WDR64: variants seen among roughly 807,000 people sequenced by gnomAD.
The protein encoded by WDR64 is WD repeat-containing protein 64.
WDR64 carries 112 observed loss-of-function variants against 139.3 expected under a neutral mutation model. The observed-to-expected ratio is 0.80, with a 90% CI of 0.69 to 0.94. The LOEUF is 0.94. Among genes scored for constraint, WDR64 ranks in the 40% least tolerant of loss-of-function variants. WDR64 has a pLI of 0.00. For missense variants in WDR64, 1,206 were observed against 1,293.1 expected (o/e 0.93, Z 1.03); for synonymous variants, 444 against 437.7 (o/e 1.01, Z -0.18).
At chr1:241,665,348 G>T (rs1325075005) in intron 2 of WDR64, among the ~76,000 whole-genome samples, 1 of 152,178 alleles carries the variant, frequency 6.6e-6, no homozygotes, top group Non-Finnish European at 1.5e-5. Flanking sequence ...TCCATCATCT[G>T]TAAAATGGAA....
chr1:241,714,331 A>T (rs72768087), intron 9 of WDR64, among the ~76,000 whole-genome samples: 25,925 of 152,262 alleles, frequency 0.17, 2,426 homozygotes, highest in African/African-American at 0.2. Flanking sequence ...CAAGAAAAAA[A>T]TCAATAAATA....
rs76953744 is a variant in WDR64, at chr1:241,774,344, C to A, written c.2431-761C>A. 6.9e-3 allele frequency among the ~76,000 whole-genome samples: 1,051 copies of A among 152,250 alleles called. 7 individuals carry two copies. Among genetic ancestry groups the A allele is most frequent in the African/African-American group, 0.025 (1,024 of 41,542 alleles). On this transcript the variant is annotated intron_variant, in intron 20 of 27. Coordinates refer to ENST00000437684, the MANE Select transcript of WDR64 (RefSeq NM_001367482.1). ...TACAAAGTATTCTAATAATAACTTT[C>A]CTTGAGATAATCTTGGTATTAGAAC...
chr1:241,686,547 G>C (rs1187916292), intron 7 of WDR64, among the ~76,000 whole-genome samples: 1 of 152,120 alleles, frequency 6.6e-6, no homozygotes, highest in Non-Finnish European at 1.5e-5. Context: ...GGATGCAGTA[G>C]GTGTTCAATA....
chr1:241,769,480 C>T lies in WDR64; in HGVS notation c.2158C>T (p.Leu720Phe), dbSNP rs745577783. 21 of 1,551,436 alleles carry T rather than the reference C, an allele frequency of 1.4e-5. No individual in the cohort carries two copies. The highest frequency in any genetic ancestry group is 1.2e-4 in the South Asian group (10 of 84,060). Residue 720 changes from leucine (L) to phenylalanine (F), a missense_variant, in exon 17 of 28, where the codon CTC (leucine) becomes TTC (phenylalanine). Coordinates refer to ENST00000437684, the MANE Select transcript of WDR64 (RefSeq NM_001367482.1). ...CTTTAAAATTAATGACATACTGTTC[C>T]TCTTTCGTACCCCTGAATGTGCAAG... ...KHFKINDILFLFRTPECARRS... is the reference protein window; with the variant it reads ...KHFKINDILFFFRTPECARRS...
rs116077717 is a variant in WDR64, at chr1:241,697,005, T to A, written c.974+9410T>A. 4.7e-3 allele frequency among the ~76,000 whole-genome samples: 723 copies of A among 152,274 alleles called. 5 individuals are homozygous for A. The highest frequency in any genetic ancestry group is 0.017 in the African/African-American group (690 of 41,554). On this transcript the variant is annotated intron_variant, in intron 8 of 27. Transcript: ENST00000437684. ...AAATTTTGTCAGCCCTCTCCTCTACTTTCTTCCCTTCCTATTGACCTAGAC... is the reference window on the plus strand; with the variant it reads ...AAATTTTGTCAGCCCTCTCCTCTACATTCTTCCCTTCCTATTGACCTAGAC...
chr1:241,683,452 G>A, intron 6 of WDR64, 35 bp from the exon 7 acceptor site: 1 of 1,541,982 alleles, frequency 6.5e-7, no homozygotes, highest in South Asian at 1.2e-5. Context: ...ACAGAGCAAA[G>A]TAATAATTCA....
chr1:241,711,883 T>C lies in WDR64; in HGVS notation c.1054+2T>C, dbSNP rs749739817. 1 of 1,614,074 alleles carries C rather than the reference T, an allele frequency of 6.2e-7. No homozygotes were observed. The highest frequency in any genetic ancestry group is 8.5e-7 in the Non-Finnish European group (1 of 1,179,996). On this transcript the variant is annotated splice_donor_variant, in intron 9 of 27. Transcript: ENST00000437684. LOFTEE classifies it high-confidence loss of function. ...AGGCAAATGTGATTGTCACTGGAGG[T>C]GAGAGGGCGGTTCACATTACATAGG... is the stretch of plus-strand genomic sequence containing the variant.
intron 17 of WDR64, 48 bp from the exon 18 acceptor site, chr1:241,770,573 T>G: frequency 2.0e-6 from 3 of 1,483,154 alleles, no homozygotes; most frequent in Non-Finnish European, 1.8e-6. Context: ...TTGAGTATGG[T>G]AGCATATCTT....
chr1:241,653,674 G>T (rs980319753), intron 1 of WDR64, among the ~76,000 whole-genome samples: 7 of 151,634 alleles, frequency 4.6e-5, no homozygotes, highest in Admixed American at 1.3e-4. Context: ...CTCCCAAGTA[G>T]CTGGGATTAC....
intron 21 of WDR64, 33 bp downstream of exon 21, chr1:241,775,243 G>A (rs74350442): frequency 6.6e-7 from 1 of 1,511,110 alleles, no homozygotes; most frequent in Non-Finnish European, 9.0e-7. Context: ...TCAGTGACAG[G>A]TGTCTTAATA....
chr1:241,713,300 G>C (rs1244019622), intron 9 of WDR64, among the ~76,000 whole-genome samples: 4 of 134,506 alleles, frequency 3.0e-5, no homozygotes, highest in Non-Finnish European at 6.2e-5. Flanking sequence ...GACAGAGCAA[G>C]ACCCTGTCTC....
chr1:241,746,917 G>A (rs1250629680), intron 13 of WDR64, among the ~76,000 whole-genome samples: 4 of 151,980 alleles, frequency 2.6e-5, no homozygotes, highest in Non-Finnish European at 4.4e-5. Context: ...CTGCCACCAT[G>A]CCCAGCTAAT....
chr1:241,714,211 A>C (rs532368260), intron 9 of WDR64, among the ~76,000 whole-genome samples: 10 of 152,350 alleles, frequency 6.6e-5, no homozygotes, highest in Admixed American at 6.5e-4. Flanking sequence ...TTAAATGAGC[A>C]AAACAGAAAC....
intron 9 of WDR64, among the ~76,000 whole-genome samples, chr1:241,721,682 C>G (rs375994573): frequency 6.6e-6 from 1 of 152,028 alleles, no homozygotes; most frequent in African/African-American, 2.4e-5. Flanking sequence ...TTTTATGACT[C>G]AGTTTCCAGG....
chr1:241,713,143 C>CAAAAA lies in WDR64; in HGVS notation c.1054+1270_1054+1274dup, dbSNP rs57422282. Among the ~76,000 whole-genome samples, 155 of 137,092 alleles carry CAAAAA rather than the reference C, an allele frequency of 1.1e-3. 1 individual carries two copies. Among genetic ancestry groups the CAAAAA allele is most frequent in the African/African-American group, 4.0e-3 (153 of 37,830 alleles). 89.9% of individuals were successfully genotyped at this position (137,092 alleles called of 152,430 possible). A position where few individuals can be genotyped will look rare whatever the true frequency, so the allele number is the denominator to read the frequency against. On this transcript the variant is annotated intron_variant, in intron 9 of 27. Transcript: ENST00000437684. ...GCAATACAGTAAGACCTTGTCTCTA[C>CAAAAA]AAAAAAAAAAAATTAAAAATTAGCT...
chr1:241,742,035 C>T (rs1669567134), intron 12 of WDR64, among the ~76,000 whole-genome samples: 1 of 152,056 alleles, frequency 6.6e-6, no homozygotes, highest in African/African-American at 2.4e-5. Context: ...TTTACTGTAA[C>T]CCCTGTAGAT....
At chr1:241,732,273 CTTCTA>C (rs1558496260) in intron 10 of WDR64, among the ~76,000 whole-genome samples, 1 of 152,170 alleles carries the variant, frequency 6.6e-6, no homozygotes, top group Non-Finnish European at 1.5e-5. Flanking sequence ...AATGCTCAAA[CTTCTA>C]TTCAAGTGTT....
At chr1:241,753,978 T>C (rs899099155) in intron 14 of WDR64, among the ~76,000 whole-genome samples, 1 of 151,722 alleles carries the variant, frequency 6.6e-6, no homozygotes, top group Non-Finnish European at 1.5e-5. Context: ...TCACAGACCG[T>C]GAAAAGACCA....
chr1:241,673,574 T>C (rs2148076737), intron 3 of WDR64, among the ~76,000 whole-genome samples: 1 of 152,332 alleles, frequency 6.6e-6, no homozygotes, highest in East Asian at 1.9e-4. Context: ...GTATCTGTGC[T>C]TTCTGCACAA....
Sources: allele counts gnomAD v4.1 joint callset (sites outside exome capture counted in the v4.1 genomes callset), GRCh38; gene constraint gnomAD v4.1.1; transcripts MANE v1.5; gene names NCBI Gene and HGNC (gene_info 2026-07-23, HGNC 2026-07-21).